The following TTYH2 variants were observed in gnomAD, a reference collection of about 807,000 sequenced individuals.
The protein encoded by TTYH2 is tweety family member 2, also known as protein tweety homolog 2.
A neutral mutation model predicts 68.3 loss-of-function variants in TTYH2; 49 were observed. The ratio of observed to expected loss-of-function variants is 0.72; its 90% CI spans 0.57 to 0.91. The LOEUF is 0.91. TTYH2 is among the 40% of genes least tolerant of loss of function. The pLI is 0.00. For synonymous variants in TTYH2, 272 were observed against 300.8 expected (o/e 0.90, Z 0.99); for missense variants, 631 against 700.4 (o/e 0.90, Z 1.12).
At chr17:74,253,664 A>T in intron 12 of TTYH2, 91 bp from the exon 13 acceptor site, 1 of 1,280,330 alleles carries the variant, frequency 7.8e-7, no homozygotes, top group Non-Finnish European at 1.1e-6. Flanking sequence ...CCCACCTCCC[A>T]TGTGCTCACC....
chr17:74,222,749 A>C lies in TTYH2; in HGVS notation c.302+92A>C. On this transcript the variant is annotated intron_variant, in intron 2 of 13. Coordinates refer to ENST00000269346, the MANE Select transcript of TTYH2 (RefSeq NM_032646.6). This position sits in a 1 kb window ranked among gnomAD's most constrained non-coding sequence, Gnocchi z 5.2. ...ACCATGTTCTGACGGAGCTCCAGCT[A>C]CCTTGATGGAAAAGCTTGTCCCCAG... The C allele has an allele frequency of 7.4e-7, 1 of 1,360,060 alleles. No individual in the cohort carries two copies. The highest frequency in any genetic ancestry group is 9.7e-7 in the Non-Finnish European group (1 of 1,035,854). The allele number at this position is 1,360,060 out of a possible 1,614,324, so 84.2% of individuals were successfully genotyped here. A position where few individuals can be genotyped will look rare whatever the true frequency, so the allele number is the denominator to read the frequency against.
intron 5 of TTYH2, among the ~76,000 whole-genome samples, 180 bp from the exon 6 acceptor site, chr17:74,243,797 C>T (rs2050526456): frequency 6.6e-6 from 1 of 151,794 alleles, no homozygotes; most frequent in South Asian, 2.1e-4. Flanking sequence ...GCCTGGGTCT[C>T]TTTAGCCTCA....
chr17:74,230,849 T>G (rs1488672870), intron 2 of TTYH2, 39 bp from the exon 3 acceptor site: 1 of 1,601,318 alleles, frequency 6.2e-7, no homozygotes, highest in South Asian at 1.1e-5. Context: ...TTCTCCTCTG[T>G]GTATCACCTC....
At position 74,241,082 on chromosome 17, in the gene TTYH2, T is replaced by C. The variant is rs1444621664; in HGVS notation, c.636-2292T>C. 1 of 152,118 alleles carries C rather than the reference T, an allele frequency of 6.6e-6. No homozygotes were observed. Among genetic ancestry groups the C allele is most frequent in the Non-Finnish European group, 1.5e-5 (1 of 68,080 alleles). 9.4% of individuals were successfully genotyped at this position (152,118 alleles called of 1,614,324 possible). On this transcript the variant is annotated intron_variant, in intron 4 of 13. Transcript: ENST00000269346. This position sits in a 1 kb window ranked among gnomAD's most constrained non-coding sequence, Gnocchi z 4.1. ...GAAGCTTGATGTAGACAATGTGGAA[T>C]TTCTGGGCCAGGCTCTCCCCACCAG...
At chr17:74,231,543 C>T (rs767885872) in intron 3 of TTYH2, among the ~76,000 whole-genome samples, 6 of 151,998 alleles carry the variant, frequency 3.9e-5, no homozygotes, top group Non-Finnish European at 8.8e-5. Context: ...CAAAAATTAG[C>T]CAGTTGTGGT....
intron 13 of TTYH2, among the ~76,000 whole-genome samples, chr17:74,255,823 C>T (rs973199265): frequency 1.3e-5 from 2 of 152,226 alleles, no homozygotes; most frequent in Non-Finnish European, 2.9e-5. Context: ...TGGAGCCAGG[C>T]ATCTCCCTTC....
rs114644256 is a variant in TTYH2, at chr17:74,253,786, C to G, written c.1477C>G (p.Arg493Gly). 8.1e-5 allele frequency: 131 copies of G among 1,614,196 alleles called. 1 individual carries two copies. The South Asian group carries it at 1.4e-3, about 17-fold the overall frequency. ...NQAMLFGRNP[R>G]YENVPLIGRA... ...AGCCATGCTCTTTGGTAGGAACCCA[C>G]GCTACGAGAACGTGCCACTAATCGG... The change falls in exon 13 of 14, where the codon CGC becomes GGC. Residue 493 changes from arginine to glycine, a missense_variant. By Grantham distance (125) the Arg-to-Gly change is moderately radical. Transcript: ENST00000269346.
rs1428586222 is a variant in TTYH2, at chr17:74,222,198, C to A, written c.130-287C>A. The stretch of plus-strand genomic sequence containing the variant: ...AGCAGGGCCTGGTCCGTATCTTCAT[C>A]CAGGGTCTGAACCAGAAACCGGAGA... On this transcript the variant is annotated intron_variant, in intron 1 of 13. Coordinates refer to ENST00000269346, the MANE Select transcript of TTYH2 (RefSeq NM_032646.6). This position sits in a 1 kb window ranked among gnomAD's most constrained non-coding sequence, Gnocchi z 5.2. Among the ~76,000 whole-genome samples, 1 of 152,204 alleles carries A rather than the reference C, an allele frequency of 6.6e-6. No individual in the cohort carries two copies. Among genetic ancestry groups the A allele is most frequent in the East Asian group, 1.9e-4 (1 of 5,194 alleles).
At chr17:74,253,892 C>A in intron 13 of TTYH2, 59 bp downstream of exon 13, 1 of 1,534,144 alleles carries the variant, frequency 6.5e-7, no homozygotes, top group South Asian at 1.1e-5. Flanking sequence ...AACCTCCTGC[C>A]AACCCAGTGA....
rs1178917279 is a variant in TTYH2, at chr17:74,215,327, G to A, written c.129+1611G>A. 6.6e-6 allele frequency among the ~76,000 whole-genome samples: 1 copy of A among 152,072 alleles called. No individual in the cohort carries two copies. Among genetic ancestry groups the A allele is most frequent in the Non-Finnish European group, 1.5e-5 (1 of 68,018 alleles). On this transcript the variant is annotated intron_variant, in intron 1 of 13. Transcript: ENST00000269346. This position sits in a 1 kb window ranked among gnomAD's most constrained non-coding sequence, Gnocchi z 4.3. The stretch of plus-strand genomic sequence containing the variant: ...AAGAAGACCCCTAGGTGGGGGTAGG[G>A]ATGGTAAGGGGACTCCCTCACCCTG...
At chr17:74,257,396 C>T (rs1320236417) in intron 13 of TTYH2, among the ~76,000 whole-genome samples, 2 of 152,176 alleles carry the variant, frequency 1.3e-5, no homozygotes, top group Non-Finnish European at 2.9e-5. Flanking sequence ...CTAATGATGC[C>T]GCAGACCAAG....
intron 1 of TTYH2, among the ~76,000 whole-genome samples, chr17:74,216,749 C>A (rs2143708569): frequency 6.6e-6 from 1 of 152,360 alleles, no homozygotes. Flanking sequence ...CCCTGGCGGG[C>A]ACCCAGCTCT....
chr17:74,240,813 C>A (rs1003899361), intron 4 of TTYH2: 6 of 152,138 alleles, frequency 3.9e-5, no homozygotes, highest in African/African-American at 7.2e-5. Context: ...CCAGTCCTCG[C>A]CCAGCTCCTC....
In TTYH2 at chr17:74,249,250, G is replaced by C. The variant is rs529734739; in HGVS notation, c.875-94G>C. The C allele has an allele frequency of 2.6e-5, 41 of 1,577,482 alleles. No homozygotes were observed. The East Asian group carries it at 8.3e-4, about 32-fold the overall frequency. On this transcript the variant is annotated intron_variant, in intron 7 of 13. Transcript: ENST00000269346. Reference sequence around the variant, plus strand: ...GAAAGTGCCTCCCTTGGGAGCTCAGGGACGGGGAGGGAGGTCTGGCTTGGC... The same window carrying C: ...GAAAGTGCCTCCCTTGGGAGCTCAGCGACGGGGAGGGAGGTCTGGCTTGGC...
Position 74,249,933 on chromosome 17 carries a change from C to T in TTYH2, c.931-3C>T. ...CTGTGGGGCTGTGTCTTTCCTGGCT[C>T]AGACCCTGACCACCTTCCAGCGCGC... On this transcript the variant is annotated splice_polypyrimidine_tract_variant and splice_region_variant and intron_variant, in intron 8 of 13. Transcript: ENST00000269346. 1 of 1,613,716 alleles carries T rather than the reference C, an allele frequency of 6.2e-7. No individual in the cohort carries two copies.
chr17:74,213,707 T>C lies in TTYH2; in HGVS notation c.120T>C (p.Ser40=), dbSNP rs1323355394. The C allele has an allele frequency of 1.9e-6, 3 of 1,611,114 alleles. No homozygotes were observed. The highest frequency in any genetic ancestry group is 3.3e-5 in the Admixed American group (2 of 59,814). Residue 40 remains serine (S), a synonymous_variant, in exon 1 of 14, where the codon AGT becomes AGC. Coordinates refer to ENST00000269346, the MANE Select transcript of TTYH2 (RefSeq NM_032646.6). The surrounding 1 kb of genome is among the most constrained non-coding windows in gnomAD (Gnocchi z 6.1). ...VNSTFSPGDE[S]YQESLLFLGL... ...GCACCTTCAGCCCCGGCGACGAGAG[T>C]TACCAGGAGGTAAGTTTACGCCGCC...
In TTYH2 at chr17:74,222,170, A is replaced by T. The variant is rs376035454; in HGVS notation, c.130-315A>T. On this transcript the variant is annotated intron_variant, in intron 1 of 13. Coordinates refer to ENST00000269346, the MANE Select transcript of TTYH2 (RefSeq NM_032646.6). The surrounding 1 kb of genome is among the most constrained non-coding windows in gnomAD (Gnocchi z 5.2). ...GTCTCCTGAGTGGCTCGGACTCTTC[A>T]TCAGCAGGGCCTGGTCCGTATCTTC... Among the ~76,000 whole-genome samples the T allele has an allele frequency of 6.6e-6, 1 of 152,006 alleles. No individual in the cohort carries two copies. Among genetic ancestry groups the T allele is most frequent in the Non-Finnish European group, 1.5e-5 (1 of 67,988 alleles).
Position 74,248,926 on chromosome 17 carries a change from G to A in TTYH2, c.805-85G>A, listed in dbSNP as rs911614247. 7.5e-6 allele frequency: 12 copies of A among 1,599,528 alleles called. No individual in the cohort carries two copies. In the African/African-American group the frequency reaches 1.2e-4, roughly 16 times the overall value. ...ACCTGGGAGGGAGCTCAAGGGGCTGGGGTGATGGGCTCCCGGCTCCTCCCA... is the reference window on the plus strand; with the variant it reads ...ACCTGGGAGGGAGCTCAAGGGGCTGAGGTGATGGGCTCCCGGCTCCTCCCA... On this transcript the variant is annotated intron_variant, in intron 6 of 13. Coordinates refer to ENST00000269346, the MANE Select transcript of TTYH2 (RefSeq NM_032646.6).
chr17:74,250,568 T>C (rs1319443186), intron 10 of TTYH2: 2 of 549,540 alleles, frequency 3.6e-6, no homozygotes, highest in African/African-American at 3.8e-5. Flanking sequence ...GACCAGGGGT[T>C]CGGGATGGGA....
Sources: gnomAD v4.1 joint callset for allele counts (sites outside exome capture counted in the v4.1 genomes callset) on GRCh38, gnomAD v4.1.1 for gene constraint, Gnocchi (gnomAD v3.1) non-coding constraint, MANE v1.5 for transcripts, NCBI Gene and HGNC (gene_info 2026-07-23, HGNC 2026-07-21) for gene names.